The following EPHA5 variants were observed in gnomAD, a reference collection of about 807,000 sequenced individuals.
EPHA5 encodes the protein ephrin type-A receptor 5.
In EPHA5, 60 loss-of-function variants were observed where a neutral mutation model predicts 105.0. That is an observed-to-expected ratio of 0.57 (90% CI 0.46 to 0.71). The LOEUF is 0.71. Among genes scored for constraint, EPHA5 ranks in the 30% least tolerant of loss-of-function variants. EPHA5 has a pLI of 0.00. For synonymous variants in EPHA5, 513 were observed against 449.1 expected (o/e 1.14, Z -1.80); for missense variants, 1,218 against 1,274.7 (o/e 0.96, Z 0.68).
chr4:65,463,283 C>A (rs1728296567), intron 5 of EPHA5, among the ~76,000 whole-genome samples: 1 of 152,004 alleles, frequency 6.6e-6, no homozygotes, highest in Admixed American at 6.6e-5. Flanking sequence ...GTGACATTCA[C>A]AAGGTAAAAT....
chr4:65,505,579 A>G (rs1732927830), intron 3 of EPHA5, among the ~76,000 whole-genome samples: 1 of 152,078 alleles, frequency 6.6e-6, no homozygotes, highest in Admixed American at 6.6e-5. Context: ...TAAAGCCAAA[A>G]ATGTCAAGGG....
At chr4:65,387,302 G>A (rs1189686134) in intron 8 of EPHA5, among the ~76,000 whole-genome samples, 1 of 151,934 alleles carries the variant, frequency 6.6e-6, no homozygotes, top group Non-Finnish European at 1.5e-5. Context: ...CACTGGAGCA[G>A]GATCCAGTCA....
chr4:65,533,001 G>A (rs943596296), intron 3 of EPHA5, among the ~76,000 whole-genome samples: 2 of 152,168 alleles, frequency 1.3e-5, no homozygotes, highest in Middle Eastern at 6.8e-3. Flanking sequence ...AAACAAAACA[G>A]TGCATTTTGA....
chr4:65,551,022 A>G (rs2149339712), intron 3 of EPHA5, among the ~76,000 whole-genome samples: 1 of 152,152 alleles, frequency 6.6e-6, no homozygotes, highest in East Asian at 1.9e-4. Flanking sequence ...ATGCATACAT[A>G]CATATATGTC....
chr4:65,483,616 G>C (rs79299743), intron 5 of EPHA5, among the ~76,000 whole-genome samples: 1,703 of 152,194 alleles, frequency 0.011, 37 homozygotes, highest in African/African-American at 0.039. Context: ...CATTGATCTT[G>C]GTGGATTCAG....
At chr4:65,557,194 G>C (rs977411157) in intron 3 of EPHA5, among the ~76,000 whole-genome samples, 1 of 131,662 alleles carries the variant, frequency 7.6e-6, no homozygotes, top group Non-Finnish European at 1.6e-5. Flanking sequence ...AGCAGCTGTG[G>C]GTTGTGGCTG....
intron 3 of EPHA5, among the ~76,000 whole-genome samples, chr4:65,500,450 A>G (rs1732370972): frequency 6.6e-6 from 1 of 150,980 alleles, no homozygotes; most frequent in Non-Finnish European, 1.5e-5. Context: ...TTGTTTCCCC[A>G]CTTATCCTTT....
At chr4:65,387,392 C>G (rs1037728378) in intron 8 of EPHA5, among the ~76,000 whole-genome samples, 1 of 151,932 alleles carries the variant, frequency 6.6e-6, no homozygotes, top group Non-Finnish European at 1.5e-5. Context: ...TACAGAAGTT[C>G]CTTCTCATTT....
At position 65,651,748 on chromosome 4, in the gene EPHA5, G is replaced by A. The variant is rs1203839179; in HGVS notation, c.182-8321C>T. Among the ~76,000 whole-genome samples, 3 of 152,076 alleles carry A rather than the reference G, an allele frequency of 2.0e-5. No individual in the cohort carries two copies. In the East Asian group the frequency reaches 5.8e-4, roughly 29 times the overall value. Reference sequence around the variant, plus strand: ...AGCAGTAGAATATTCATACCATAAAGCATATGACTATGATGGAAGCAAAAA... The same window carrying A: ...AGCAGTAGAATATTCATACCATAAAACATATGACTATGATGGAAGCAAAAA... On this transcript the variant is annotated intron_variant, in intron 1 of 16. Transcript: ENST00000613740.
chr4:65,669,053 G>A (rs1174376134), intron 1 of EPHA5, among the ~76,000 whole-genome samples: 1 of 151,858 alleles, frequency 6.6e-6, no homozygotes, highest in Non-Finnish European at 1.5e-5. Flanking sequence ...CTCCCAGCAG[G>A]CACTTTCCCC....
chr4:65,366,508 A>G (rs2148894232), intron 9 of EPHA5, among the ~76,000 whole-genome samples: 1 of 152,012 alleles, frequency 6.6e-6, no homozygotes, highest in Admixed American at 6.6e-5. Flanking sequence ...AGGCTGACAT[A>G]TAAGTCAAAA....
intron 9 of EPHA5, 51 bp from the exon 10 acceptor site, chr4:65,366,108 A>G (rs772692770): frequency 6.6e-7 from 1 of 1,519,488 alleles, no homozygotes; most frequent in Non-Finnish European, 9.0e-7. Flanking sequence ...TGGATGAGCA[A>G]AATTATGAAC....
At position 65,322,930 on chromosome 4, in the gene EPHA5, A is replaced by T. The variant is rs1456888234; in HGVS notation, c.*1184T>A. On this transcript the variant is annotated 3_prime_UTR_variant, in exon 17 of 17. Transcript: ENST00000613740. ...GTCAAAATGGGAATGGTTACAACGG[A>T]TTAACACTTAAGGGTGATGCTTCGT... is the stretch of plus-strand genomic sequence containing the variant. 1 of 229,236 alleles carries T rather than the reference A, an allele frequency of 4.4e-6. No homozygotes were observed. The highest frequency in any genetic ancestry group is 2.2e-5 in the African/African-American group (1 of 45,050). The allele number at this position is 229,236 out of a possible 1,614,324, so 14.2% of individuals were successfully genotyped here. A position where few individuals can be genotyped will look rare whatever the true frequency, so the allele number is the denominator to read the frequency against.
At position 65,321,756 on chromosome 4, in the gene EPHA5, C is replaced by G. The variant is rs550863295; in HGVS notation, c.*2358G>C. ...TCTAGTCATTTAGATACACTCCACC[C>G]GGACCTCCTAATTATCTTTCAGCAT... On this transcript the variant is annotated 3_prime_UTR_variant, in exon 17 of 17. Coordinates refer to ENST00000613740, the MANE Select transcript of EPHA5 (RefSeq NM_001281766.3). 4.4e-6 allele frequency: 1 copy of G among 227,890 alleles called. No individual in the cohort carries two copies. Among genetic ancestry groups the G allele is most frequent in the Non-Finnish European group, 8.7e-6 (1 of 114,758 alleles). 14.1% of individuals were successfully genotyped at this position (227,890 alleles called of 1,614,324 possible).
intron 2 of EPHA5, among the ~76,000 whole-genome samples, chr4:65,618,932 A>G (rs1473291342): frequency 7.9e-5 from 12 of 152,306 alleles, no homozygotes; most frequent in African/African-American, 2.6e-4. Flanking sequence ...AGGCGGGTAG[A>G]TGATTTGAGG....
At chr4:65,490,047 G>A (rs1731249875) in intron 5 of EPHA5, among the ~76,000 whole-genome samples, 1 of 152,082 alleles carries the variant, frequency 6.6e-6, no homozygotes, top group Admixed American at 6.6e-5. Context: ...ACAAAAAATA[G>A]ATTTGAGTTG....
intron 6 of EPHA5, among the ~76,000 whole-genome samples, chr4:65,416,630 C>A (rs1723410243): frequency 6.6e-6 from 1 of 152,172 alleles, no homozygotes; most frequent in Non-Finnish European, 1.5e-5. Flanking sequence ...AACTGGGCTG[C>A]TGCTCCTTGA....
Position 65,602,316 on chromosome 4 carries a change from A to G in EPHA5, c.247-12T>C, listed in dbSNP as rs763326716. The G allele has an allele frequency of 5.4e-5, 78 of 1,434,970 alleles. No homozygotes were observed. The highest frequency in any genetic ancestry group is 5.1e-4 in the Admixed American group (18 of 35,134). 88.9% of individuals were successfully genotyped at this position (1,434,970 alleles called of 1,614,324 possible). A position where few individuals can be genotyped will look rare whatever the true frequency, so the allele number is the denominator to read the frequency against. On this transcript the variant is annotated splice_polypyrimidine_tract_variant and intron_variant, in intron 2 of 16. Transcript: ENST00000613740. ...CCAATCTCTTCCCACTGTACAATATAAAATAGAAAGATAAAAAAAATTCAA... is the reference window on the plus strand; with the variant it reads ...CCAATCTCTTCCCACTGTACAATATGAAATAGAAAGATAAAAAAAATTCAA...
intron 8 of EPHA5, among the ~76,000 whole-genome samples, chr4:65,384,299 A>AT (rs745936493): frequency 6.6e-5 from 10 of 151,950 alleles, no homozygotes; most frequent in Non-Finnish European, 1.5e-4. Flanking sequence ...AGCAGAGATA[A>AT]TTTTATCTTC....
Sources: gnomAD v4.1 joint callset for allele counts (sites outside exome capture counted in the v4.1 genomes callset) on GRCh38, gnomAD v4.1.1 for gene constraint, MANE v1.5 for transcripts, NCBI Gene and HGNC (gene_info 2026-07-23, HGNC 2026-07-21) for gene names.